The following GLIPR1L1 variants were observed in gnomAD, a reference collection of about 807,000 sequenced individuals.
GLIPR1L1 encodes GLIPR1-like protein 1.
Under a neutral mutation model 29.9 loss-of-function variants are expected in GLIPR1L1, and 26 were observed. The ratio of observed to expected loss-of-function variants is 0.87; its 90% CI spans 0.64 to 1.21. The LOEUF is 1.21. GLIPR1L1 is among the 50% of genes most tolerant of loss of function. GLIPR1L1 has a pLI of 0.00. For missense variants in GLIPR1L1, 305 were observed against 290.3 expected (o/e 1.05, Z -0.37); for synonymous variants, 77 against 97.5 (o/e 0.79, Z 1.24).
At chr12:75,363,463 T>G (rs2043753182) in intron 4 of GLIPR1L1, among the ~76,000 whole-genome samples, 1 of 152,198 alleles carries the variant, frequency 6.6e-6, no homozygotes, top group Non-Finnish European at 1.5e-5. Flanking sequence ...AACTATGGGT[T>G]GAAATGCTTC....
chr12:75,367,693 C>G (rs1181536439), intron 4 of GLIPR1L1, among the ~76,000 whole-genome samples: 6 of 151,970 alleles, frequency 3.9e-5, no homozygotes. Context: ...TTATTTCTGA[C>G]AGTTTATTGA....
chr12:75,361,526 T>A (rs2043591009), intron 3 of GLIPR1L1, among the ~76,000 whole-genome samples: 1 of 152,154 alleles, frequency 6.6e-6, no homozygotes, highest in Non-Finnish European at 1.5e-5. Flanking sequence ...TTGCACCCTC[T>A]GAAGCAACAG....
At chr12:75,369,818 A>G in intron 4 of GLIPR1L1, 142 bp from the exon 5 acceptor site, 1 of 1,310,572 alleles carries the variant, frequency 7.6e-7, no homozygotes, top group South Asian at 2.1e-5. Flanking sequence ...TGTAGGATTG[A>G]GTAGGAAAGT....
intron 2 of GLIPR1L1, among the ~76,000 whole-genome samples, chr12:75,346,908 A>C (rs926747250): frequency 1.3e-5 from 2 of 152,160 alleles, no homozygotes; most frequent in African/African-American, 4.8e-5. Flanking sequence ...CAAATGGAGT[A>C]AACCAGTATT....
intron 1 of GLIPR1L1, among the ~76,000 whole-genome samples, chr12:75,338,696 A>T (rs1262379823): frequency 2.6e-5 from 4 of 151,992 alleles, no homozygotes; most frequent in Non-Finnish European, 5.9e-5. Flanking sequence ...TCAACCAATC[A>T]CCCACGTATT....
At chr12:75,347,411 A>C (rs2042526321) in intron 2 of GLIPR1L1, among the ~76,000 whole-genome samples, 1 of 152,096 alleles carries the variant, frequency 6.6e-6, no homozygotes, top group Admixed American at 6.5e-5. Flanking sequence ...AATTACCAGT[A>C]AGGAAAAACT....
intron 3 of GLIPR1L1, among the ~76,000 whole-genome samples, chr12:75,348,827 G>T (rs1007855668): frequency 6.6e-6 from 1 of 152,082 alleles, no homozygotes; most frequent in Non-Finnish European, 1.5e-5. Flanking sequence ...ATGAAGCAAT[G>T]GTTTTAAAGA....
At chr12:75,340,137 A>G (rs2042005811) in intron 1 of GLIPR1L1, among the ~76,000 whole-genome samples, 1 of 149,970 alleles carries the variant, frequency 6.7e-6, no homozygotes, top group African/African-American at 2.4e-5. Flanking sequence ...TTATACACAC[A>G]TATATATAAA....
At chr12:75,347,396 A>T (rs915189714) in intron 2 of GLIPR1L1, among the ~76,000 whole-genome samples, 1 of 152,102 alleles carries the variant, frequency 6.6e-6, no homozygotes, top group Non-Finnish European at 1.5e-5. Context: ...CTTTTGATTT[A>T]TAAGAATTAC....
intron 1 of GLIPR1L1, among the ~76,000 whole-genome samples, chr12:75,338,107 T>C (rs2041860791): frequency 6.6e-6 from 1 of 152,152 alleles, no homozygotes; most frequent in Non-Finnish European, 1.5e-5. Flanking sequence ...CTTTTGGAAC[T>C]TTATGAGTCA....
intron 1 of GLIPR1L1, among the ~76,000 whole-genome samples, chr12:75,337,484 C>T (rs558338299): frequency 6.6e-6 from 1 of 151,812 alleles, no homozygotes; most frequent in South Asian, 2.1e-4. Context: ...ATAAATTTTA[C>T]AACATAAAGA....
At chr12:75,356,496 A>T (rs895891768) in intron 3 of GLIPR1L1, among the ~76,000 whole-genome samples, 2 of 152,232 alleles carry the variant, frequency 1.3e-5, no homozygotes, top group African/African-American at 4.8e-5. Context: ...TAAGTAAAAG[A>T]TGCACACTAT....
intron 1 of GLIPR1L1, among the ~76,000 whole-genome samples, chr12:75,342,250 C>T (rs751135535): frequency 7.9e-5 from 12 of 152,052 alleles, no homozygotes; most frequent in Non-Finnish European, 1.5e-4. Context: ...ATCACATAAA[C>T]CTACACATAT....
intron 1 of GLIPR1L1, among the ~76,000 whole-genome samples, chr12:75,337,713 C>T (rs563092701): frequency 1.3e-5 from 2 of 152,034 alleles, no homozygotes; most frequent in East Asian, 3.9e-4. Context: ...CACATAAAGT[C>T]TCATAAATAT....
At chr12:75,360,533 T>C (rs898869893) in intron 3 of GLIPR1L1, 3 of 152,178 alleles carry the variant, frequency 2.0e-5, no homozygotes, top group African/African-American at 7.2e-5. Context: ...AAATCTTAAA[T>C]CTCTGAAATA....
intron 3 of GLIPR1L1, among the ~76,000 whole-genome samples, chr12:75,350,388 T>C (rs1292034018): frequency 6.6e-6 from 1 of 152,212 alleles, no homozygotes; most frequent in African/African-American, 2.4e-5. Context: ...CTATTTCCCC[T>C]GACTGGGTGA....
At chr12:75,362,245 T>C (rs978334502) in intron 3 of GLIPR1L1, among the ~76,000 whole-genome samples, 1 of 152,074 alleles carries the variant, frequency 6.6e-6, no homozygotes, top group African/African-American at 2.4e-5. Flanking sequence ...AGGTAACAAA[T>C]ACACACATTA....
At chr12:75,367,149 A>C in intron 4 of GLIPR1L1, 1 of 632,020 alleles carries the variant, frequency 1.6e-6, no homozygotes, top group South Asian at 1.8e-5. Flanking sequence ...AGTGGAAACC[A>C]AATAGGGTAC....
intron 3 of GLIPR1L1, among the ~76,000 whole-genome samples, chr12:75,356,104 G>A (rs144568012): frequency 3.4e-4 from 52 of 151,904 alleles, no homozygotes; most frequent in African/African-American, 1.1e-3. Flanking sequence ...TCACAAACCT[G>A]CCCATGCTGC....
Sources: gnomAD v4.1 joint callset for allele counts (sites outside exome capture counted in the v4.1 genomes callset) on GRCh38, gnomAD v4.1.1 for gene constraint, MANE v1.5 for transcripts, NCBI Gene and HGNC (gene_info 2026-07-23, HGNC 2026-07-21) for gene names.